The following FAT3 variants were observed in gnomAD, a reference collection of about 807,000 sequenced individuals.
FAT3 encodes protocadherin Fat 3.
Under a neutral mutation model 310.2 loss-of-function variants are expected in FAT3, and 95 were observed. The ratio of observed to expected loss-of-function variants is 0.31; its 90% confidence interval spans 0.26 to 0.36. The LOEUF is 0.36. FAT3 is among the 10% of genes least tolerant of loss of function. The pLI is 1.00. For synonymous variants in FAT3, 2,314 were observed against 2,192.9 expected (o/e 1.06, Z -1.54); for missense variants, 5,408 against 5,715.6 (o/e 0.95, Z 1.74).
At chr11:92,373,826 A>G (rs796605975) in intron 2 of FAT3, among the ~76,000 whole-genome samples, 3 of 151,242 alleles carry the variant, frequency 2.0e-5, no homozygotes, top group African/African-American at 4.9e-5. Context: ...ATAGATAGAT[A>G]TGGATATAGA....
chr11:92,294,242 G>A (rs1946788818), intron 1 of FAT3, among the ~76,000 whole-genome samples: 1 of 151,976 alleles, frequency 6.6e-6, no homozygotes, highest in African/African-American at 2.4e-5. Context: ...TTCTTAAAAG[G>A]ACACTAATCC....
chr11:92,595,374 T>G (rs1052926647), intron 3 of FAT3, among the ~76,000 whole-genome samples: 1 of 152,174 alleles, frequency 6.6e-6, no homozygotes, highest in African/African-American at 2.4e-5. Context: ...TCTGTTGAAT[T>G]GAGCACAGGG....
chr11:92,478,904 C>T (rs1276389781), intron 2 of FAT3, among the ~76,000 whole-genome samples: 1 of 149,132 alleles, frequency 6.7e-6, no homozygotes, highest in Non-Finnish European at 1.5e-5. Flanking sequence ...GCATGAGCTA[C>T]TGCGCCTGGC....
intron 1 of FAT3, among the ~76,000 whole-genome samples, chr11:92,282,571 A>G (rs966665566): frequency 3.3e-5 from 5 of 152,010 alleles, no homozygotes; most frequent in African/African-American, 1.2e-4. Flanking sequence ...AGGCTGAGGC[A>G]GGAGAATCAC....
chr11:92,864,686 G>A (rs777775079), intron 21 of FAT3, among the ~76,000 whole-genome samples: 47 of 152,078 alleles, frequency 3.1e-4, no homozygotes, highest in Middle Eastern at 3.4e-3. Flanking sequence ...GCATGGTGGC[G>A]CTTGCCTGTA....
Position 92,801,628 on chromosome 11 carries a change from C to A in FAT3, c.8615C>A (p.Thr2872Lys), listed in dbSNP as rs202096902. 1.2e-6 allele frequency: 2 copies of A among 1,613,704 alleles called. No homozygotes were observed. The highest frequency in any genetic ancestry group is 2.7e-5 in the African/African-American group (2 of 75,026). ...GAAGCATTCAATATTGACAGCAACACGGGCTGGATCAGTACCTTGAAGGAC... is the reference window on the plus strand; with the variant it reads ...GAAGCATTCAATATTGACAGCAACAAGGGCTGGATCAGTACCTTGAAGGAC... The part of the protein sequence containing the change: ...VMEAFNIDSN[T>K]GWISTLKDLD... The change falls in exon 10 of 28, where the codon ACG (threonine) becomes AAG (lysine). Residue 2872 changes from threonine to lysine, a missense_variant. Transcript: ENST00000525166.
At chr11:92,404,842 C>G (rs1352413276) in intron 2 of FAT3, among the ~76,000 whole-genome samples, 1 of 152,020 alleles carries the variant, frequency 6.6e-6, no homozygotes, top group Admixed American at 6.6e-5. Context: ...GCCATTCACT[C>G]TCTTTGCCTG....
At chr11:92,439,113 A>C (rs1951012590) in intron 2 of FAT3, among the ~76,000 whole-genome samples, 2 of 152,178 alleles carry the variant, frequency 1.3e-5, no homozygotes, top group South Asian at 4.1e-4. Context: ...TTTCAAAATC[A>C]ATTTCATTCT....
chr11:92,753,798 G>GTGTGTGTGTGTGTGTGTGTATA, intron 4 of FAT3, among the ~76,000 whole-genome samples: 4 of 119,108 alleles, frequency 3.4e-5, no homozygotes, highest in African/African-American at 1.6e-4. Context: ...GTGTGTGTGT[G>GTGTGTGTGTGTGTGTGTGTATA]TATATATATA....
intron 2 of FAT3, among the ~76,000 whole-genome samples, chr11:92,413,966 C>T (rs538215392): frequency 6.6e-6 from 1 of 152,180 alleles, no homozygotes; most frequent in South Asian, 2.1e-4. Context: ...GTTATCCTTC[C>T]AGGAGTTGCT....
intron 2 of FAT3, among the ~76,000 whole-genome samples, chr11:92,379,098 C>T (rs1949425635): frequency 6.6e-6 from 1 of 152,156 alleles, no homozygotes; most frequent in Non-Finnish European, 1.5e-5. Flanking sequence ...CTCCTCTCTC[C>T]ATATGCTTTC....
intron 3 of FAT3, among the ~76,000 whole-genome samples, chr11:92,656,265 G>A (rs1281335434): frequency 3.3e-5 from 5 of 152,146 alleles, no homozygotes; most frequent in Non-Finnish European, 7.3e-5. Flanking sequence ...CTTTCCCTTT[G>A]TCACAGCTAG....
intron 1 of FAT3, among the ~76,000 whole-genome samples, chr11:92,275,129 ACCACACTGAAAGTAGGAG>A (rs2134346894): frequency 6.6e-6 from 1 of 152,236 alleles, no homozygotes; most frequent in South Asian, 2.1e-4. Flanking sequence ...CTTCCCAGGT[ACCACACTGAAAGTAGGAG>A]CCTCTCCATC....
chr11:92,315,849 T>A (rs1365868771), intron 1 of FAT3, among the ~76,000 whole-genome samples: 3 of 151,876 alleles, frequency 2.0e-5, no homozygotes, highest in Non-Finnish European at 4.4e-5. Context: ...TAAAATAAAT[T>A]TAAAGTAAAT....
At chr11:92,573,283 C>T (rs1938282814) in intron 3 of FAT3, among the ~76,000 whole-genome samples, 1 of 152,144 alleles carries the variant, frequency 6.6e-6, no homozygotes, top group Non-Finnish European at 1.5e-5. Flanking sequence ...TCTTTCCTGA[C>T]TCCCTGAGGA....
chr11:92,237,957 A>G (rs1025978893), intron 1 of FAT3, among the ~76,000 whole-genome samples: 1 of 152,270 alleles, frequency 6.6e-6, no homozygotes, highest in East Asian at 1.9e-4. Flanking sequence ...TACTCTTTGC[A>G]TACGCACTTT....
intron 2 of FAT3, among the ~76,000 whole-genome samples, chr11:92,468,211 C>T (rs1160988304): frequency 6.6e-6 from 1 of 152,152 alleles, no homozygotes; most frequent in East Asian, 1.9e-4. Context: ...GTGGATAGAG[C>T]ATGGATTGTA....
At chr11:92,804,272 T>A (rs551608049) in intron 10 of FAT3, among the ~76,000 whole-genome samples, 1 of 152,042 alleles carries the variant, frequency 6.6e-6, no homozygotes, top group East Asian at 1.9e-4. Context: ...GAAATAGTGA[T>A]CATCAAACCT....
rs1031806021 is a variant in FAT3 at position 92,613,348 on chromosome 11, T to C, written c.3608-84036T>C. On this transcript the variant is annotated intron_variant, in intron 3 of 27. Coordinates refer to ENST00000525166, the MANE Select transcript of FAT3 (RefSeq NM_001367949.2). ...AAGAAAAATAGAGTTCATTTTAAAATGTCATTTTTGAGAATGAGACTATTG... is the reference window on the plus strand; with the variant it reads ...AAGAAAAATAGAGTTCATTTTAAAACGTCATTTTTGAGAATGAGACTATTG... Among the ~76,000 whole-genome samples, 12 of 152,170 alleles carry C rather than the reference T, an allele frequency of 7.9e-5. No individual in the cohort carries two copies. In the South Asian group the frequency reaches 8.3e-4, roughly 11 times the overall value.
Sources: allele counts gnomAD v4.1 joint callset (sites outside exome capture counted in the v4.1 genomes callset), GRCh38; gene constraint gnomAD v4.1.1; transcripts MANE v1.5; gene names NCBI Gene and HGNC (gene_info 2026-07-23, HGNC 2026-07-21).